The following KLHL1 variants were observed in gnomAD, a reference collection of about 807,000 sequenced individuals.
The protein encoded by KLHL1 is kelch like family member 1.
Under a neutral mutation model 77.7 loss-of-function variants are expected in KLHL1, and 47 were observed. The observed-to-expected ratio is 0.60, with a 90% confidence interval of 0.48 to 0.77. KLHL1 has a LOEUF of 0.77. Among genes scored for constraint, KLHL1 ranks in the 30% least tolerant of loss-of-function variants. The probability of loss-of-function intolerance (pLI) is 0.00; values close to 1 mark genes in which losing one functional copy is unlikely to be tolerated. For missense variants in KLHL1, 925 were observed against 910.8 expected, an observed-to-expected ratio of 1.02 and a Z score of -0.20; for synonymous variants, 360 against 325.2, an observed-to-expected ratio of 1.11 and a Z score of -1.15.
intron 1 of KLHL1, among the ~76,000 whole-genome samples, chr13:70,101,950 C>CA (rs553460889): frequency 0.069 from 8,853 of 128,708 alleles, 550 homozygotes; most frequent in African/African-American, 0.16. Context: ...GATAAAGTAG[C>CA]AAAAAAAAAA....
chr13:69,990,539 G>A (rs1442144640), intron 1 of KLHL1, among the ~76,000 whole-genome samples: 3 of 151,938 alleles, frequency 2.0e-5, no homozygotes, highest in East Asian at 3.9e-4. Flanking sequence ...AAGCACAAAA[G>A]ACTTTAAACC....
chr13:69,705,622 C>T (rs1224078864), intron 10 of KLHL1, among the ~76,000 whole-genome samples: 1 of 151,366 alleles, frequency 6.6e-6, no homozygotes, highest in African/African-American at 2.4e-5. Flanking sequence ...GCTGCTCATC[C>T]CTTGAGAGTC....
At chr13:70,043,501 G>A (rs532903222) in intron 1 of KLHL1, among the ~76,000 whole-genome samples, 7 of 152,154 alleles carry the variant, frequency 4.6e-5, no homozygotes, top group South Asian at 2.1e-4. Context: ...CTTCACATTC[G>A]CTCACTACTT....
chr13:70,045,941 G>A (rs932043071), intron 1 of KLHL1, among the ~76,000 whole-genome samples: 1 of 152,094 alleles, frequency 6.6e-6, no homozygotes, highest in Non-Finnish European at 1.5e-5. Context: ...CCTGGTAAAG[G>A]TTTCCTTTGT....
chr13:70,088,211 A>G (rs930915659), intron 1 of KLHL1, among the ~76,000 whole-genome samples: 1 of 152,194 alleles, frequency 6.6e-6, no homozygotes, highest in Non-Finnish European at 1.5e-5. Context: ...ATTGTATTAT[A>G]AAACAACAAC....
chr13:69,708,331 C>A (rs1351076603), intron 9 of KLHL1, among the ~76,000 whole-genome samples: 1 of 151,806 alleles, frequency 6.6e-6, no homozygotes, highest in Admixed American at 6.6e-5. Flanking sequence ...AATGCATGGT[C>A]CGCTTTGAGG....
intron 7 of KLHL1, among the ~76,000 whole-genome samples, chr13:69,760,440 C>T (rs550698213): frequency 1.2e-4 from 19 of 152,184 alleles, no homozygotes; most frequent in African/African-American, 2.7e-4. Flanking sequence ...ACTGCAACCT[C>T]GGCCTCCCAG....
At position 69,723,888 on chromosome 13, in the gene KLHL1, G is replaced by A. The variant is rs369082293; in HGVS notation, c.1803-4307C>T. Among the ~76,000 whole-genome samples the A allele has an allele frequency of 2.5e-4, 37 of 145,864 alleles. 1 individual carries two copies. The South Asian group carries it at 7.9e-3, about 31-fold the overall frequency. On this transcript the variant is annotated intron_variant, in intron 8 of 10. Coordinates refer to ENST00000377844, the MANE Select transcript of KLHL1 (RefSeq NM_020866.3). ...GACGGAGTCTTGCTTTTTTGCCCAG[G>A]CTGGAATGCAGTGATCTTGGCTCAC...
chr13:69,969,974 T>G (rs908164101), intron 2 of KLHL1, among the ~76,000 whole-genome samples: 3 of 152,148 alleles, frequency 2.0e-5, no homozygotes, highest in Non-Finnish European at 4.4e-5. Flanking sequence ...TGGTGTTTGA[T>G]ATTGTTAACC....
At chr13:69,809,093 G>A (rs9634958) in intron 6 of KLHL1, among the ~76,000 whole-genome samples, 37,732 of 151,760 alleles carry the variant, frequency 0.25, 4,757 homozygotes, top group South Asian at 0.33. Flanking sequence ...TGATATTAGC[G>A]TACCTGGGAG....
Position 70,107,183 on chromosome 13 carries a change from C to T in KLHL1, c.497+20G>A, listed in dbSNP as rs772805368. 5 of 1,567,280 alleles carry T rather than the reference C, an allele frequency of 3.2e-6. No homozygotes were observed. Among genetic ancestry groups the T allele is most frequent in the African/African-American group, 1.4e-5 (1 of 73,700 alleles). On this transcript the variant is annotated intron_variant, in intron 1 of 10. Transcript: ENST00000377844. ...TGGAAATTGAGAGATGCTTGGAAGC[C>T]CCGTGGGGACTTACTGTACCTGTGT...
At chr13:69,785,177 C>T (rs1876461103) in intron 7 of KLHL1, among the ~76,000 whole-genome samples, 1 of 152,064 alleles carries the variant, frequency 6.6e-6, no homozygotes, top group Non-Finnish European at 1.5e-5. Context: ...CAGGCGTGAG[C>T]CACCGCGCCC....
intron 1 of KLHL1, among the ~76,000 whole-genome samples, chr13:70,018,290 G>A (rs1025782071): frequency 1.3e-5 from 2 of 152,180 alleles, no homozygotes; most frequent in African/African-American, 4.8e-5. Flanking sequence ...ATAAATGGAA[G>A]ATAAAATAAA....
chr13:70,027,919 A>G (rs1182881944), intron 1 of KLHL1, among the ~76,000 whole-genome samples: 3 of 152,136 alleles, frequency 2.0e-5, no homozygotes. Context: ...GTGGCAAAGG[A>G]TTTGGTAAAC....
At chr13:70,106,305 TG>T (rs1888055085) in intron 1 of KLHL1, among the ~76,000 whole-genome samples, 1 of 152,110 alleles carries the variant, frequency 6.6e-6, no homozygotes, top group Admixed American at 6.6e-5. Context: ...TGATATCACA[TG>T]AATCTAAATG....
chr13:69,968,985 A>C (rs905645291), intron 2 of KLHL1, among the ~76,000 whole-genome samples: 1 of 152,162 alleles, frequency 6.6e-6, no homozygotes, highest in Admixed American at 6.6e-5. Flanking sequence ...CGTTTTTCCT[A>C]AGAATACTAT....
chr13:69,840,414 G>C (rs1879200038), intron 5 of KLHL1, among the ~76,000 whole-genome samples: 1 of 151,858 alleles, frequency 6.6e-6, no homozygotes, highest in Non-Finnish European at 1.5e-5. Flanking sequence ...AGTAGAGACA[G>C]AGTTTCACCA....
chr13:69,792,066 G>C (rs756267052), intron 7 of KLHL1, among the ~76,000 whole-genome samples: 11 of 152,062 alleles, frequency 7.2e-5, no homozygotes, highest in Non-Finnish European at 1.5e-4. Context: ...CATGGCACAT[G>C]TTTACCTATG....
At chr13:70,013,714 C>T (rs1479774291) in intron 1 of KLHL1, among the ~76,000 whole-genome samples, 1 of 151,960 alleles carries the variant, frequency 6.6e-6, no homozygotes, top group African/African-American at 2.4e-5. Flanking sequence ...TGTTCAAAAA[C>T]AAATTTCTAG....
Sources: gnomAD v4.1 joint callset for allele counts (sites outside exome capture counted in the v4.1 genomes callset) on GRCh38, gnomAD v4.1.1 for gene constraint, MANE v1.5 for transcripts, NCBI Gene and HGNC (gene_info 2026-07-23, HGNC 2026-07-21) for gene names.